Variants in PRUNE2 observed in about 807,000 individuals in gnomAD.
PRUNE2 encodes prune homolog 2 with BCH domain.
A neutral mutation model predicts 252.0 loss-of-function variants in PRUNE2; 164 were observed. That is an observed-to-expected ratio of 0.65 (90% CI 0.57 to 0.74). The LOEUF (loss-of-function observed/expected upper bound fraction) is 0.74. Among genes scored for constraint, PRUNE2 ranks in the 30% least tolerant of loss-of-function variants. The pLI is 0.00. For missense variants in PRUNE2, 3,495 were observed against 3,711.0 expected (o/e 0.94, Z 1.51); for synonymous variants, 1,292 against 1,350.2 (o/e 0.96, Z 0.94).
chr9:76,891,843 AC>A (rs1286645632), intron 1 of PRUNE2, among the ~76,000 whole-genome samples: 1 of 152,060 alleles, frequency 6.6e-6, no homozygotes, highest in African/African-American at 2.4e-5. Flanking sequence ...GCTGGACTTA[AC>A]CTCTCTGGCC....
At chr9:76,861,607 TC>T (rs1265453260) in intron 1 of PRUNE2, among the ~76,000 whole-genome samples, 1 of 152,124 alleles carries the variant, frequency 6.6e-6, no homozygotes, top group Non-Finnish European at 1.5e-5. Context: ...CATCAACTAA[TC>T]CACTTTTTTA....
intron 2 of PRUNE2, 111 bp from the exon 3 acceptor site, chr9:76,850,776 T>G: frequency 1.3e-6 from 1 of 750,886 alleles, no homozygotes; most frequent in Non-Finnish European, 2.2e-6. Context: ...TCTTCTGGCC[T>G]CACTAAACCA....
chr9:76,801,194 G>T (rs2056525045), intron 6 of PRUNE2, among the ~76,000 whole-genome samples: 1 of 152,200 alleles, frequency 6.6e-6, no homozygotes, highest in Non-Finnish European at 1.5e-5. Context: ...ACACATGACA[G>T]TATTGCATTA....
At chr9:76,658,908 A>T (rs749697412) in intron 9 of PRUNE2, among the ~76,000 whole-genome samples, 1 of 152,214 alleles carries the variant, frequency 6.6e-6, no homozygotes, top group Non-Finnish European at 1.5e-5. Context: ...TTTTGAGTGC[A>T]TGGTAGTATT....
chr9:76,655,050 C>T (rs1848695384), intron 10 of PRUNE2, among the ~76,000 whole-genome samples: 1 of 152,132 alleles, frequency 6.6e-6, no homozygotes, highest in Non-Finnish European at 1.5e-5. Context: ...AGTTAGGATA[C>T]TGAGCATTCT....
intron 15 of PRUNE2, among the ~76,000 whole-genome samples, 152 bp downstream of exon 15, chr9:76,636,316 TTGA>T (rs749881355): frequency 6.6e-6 from 1 of 152,190 alleles, no homozygotes; most frequent in Non-Finnish European, 1.5e-5. Context: ...TTCGGGATTC[TTGA>T]TGAATAGTCC....
intron 6 of PRUNE2, among the ~76,000 whole-genome samples, chr9:76,722,064 C>T (rs181547538): frequency 0.011 from 1,643 of 151,798 alleles, 26 homozygotes; most frequent in African/African-American, 0.036. Context: ...CTCTATTGTT[C>T]TTTTTTATTT....
At chr9:76,838,633 G>A (rs762495687) in intron 4 of PRUNE2, among the ~76,000 whole-genome samples, 101 of 102,802 alleles carry the variant, frequency 9.8e-4, no homozygotes, top group African/African-American at 1.4e-3. Context: ...CAACAAGAGC[G>A]AAACTCTGTC....
At chr9:76,875,770 G>A (rs1391559723) in intron 1 of PRUNE2, among the ~76,000 whole-genome samples, 6 of 152,216 alleles carry the variant, frequency 3.9e-5, no homozygotes, top group East Asian at 1.9e-4. Flanking sequence ...TAGGGAATGT[G>A]GGCACAGAGG....
At chr9:76,633,915 C>T (rs1838829916) in intron 15 of PRUNE2, among the ~76,000 whole-genome samples, 1 of 152,094 alleles carries the variant, frequency 6.6e-6, no homozygotes, top group Non-Finnish European at 1.5e-5. Flanking sequence ...GAGTTTGAGA[C>T]CAGCTTGGAC....
Position 76,692,504 on chromosome 9 carries a change from T to C in PRUNE2, c.8276+10833A>G, listed in dbSNP as rs2044878095. ...TGTAGTTTCACAGCACATACCTATA[T>C]GACAGCAATGTAATTATTTTCATTG... On this transcript the variant is annotated intron_variant, in intron 9 of 18. Coordinates refer to ENST00000376718, the MANE Select transcript of PRUNE2 (RefSeq NM_015225.3). 5 of 197,308 alleles carry C rather than the reference T, an allele frequency of 2.5e-5. No individual in the cohort carries two copies. In the South Asian group the frequency reaches 5.6e-4, roughly 22 times the overall value. The allele number at this position is 197,308 out of a possible 1,614,324, so 12.2% of individuals were successfully genotyped here.
intron 6 of PRUNE2, chr9:76,736,626 C>T (rs1416490147): frequency 6.6e-6 from 1 of 152,198 alleles, no homozygotes; most frequent in Non-Finnish European, 1.5e-5. Context: ...GTGAGGTTCT[C>T]TCTGAGGTCT....
At chr9:76,867,418 G>C (rs543638757) in intron 1 of PRUNE2, among the ~76,000 whole-genome samples, 1 of 152,138 alleles carries the variant, frequency 6.6e-6, no homozygotes, top group Non-Finnish European at 1.5e-5. Flanking sequence ...ACTGAACAAG[G>C]AAATTGTTCT....
At chr9:76,725,913 T>G (rs889578229) in intron 6 of PRUNE2, among the ~76,000 whole-genome samples, 23 of 152,342 alleles carry the variant, frequency 1.5e-4, no homozygotes, top group African/African-American at 5.3e-4. Context: ...TAACTGTAAC[T>G]GATTTAAGTA....
At chr9:76,673,185 A>G (rs1305454788) in intron 9 of PRUNE2, among the ~76,000 whole-genome samples, 1 of 152,060 alleles carries the variant, frequency 6.6e-6, no homozygotes, top group Non-Finnish European at 1.5e-5. Context: ...AAAGAGAGAA[A>G]AATCAAATAG....
intron 9 of PRUNE2, among the ~76,000 whole-genome samples, chr9:76,660,781 CAAA>C (rs11432174): frequency 5.0e-4 from 51 of 101,032 alleles, no homozygotes; most frequent in African/African-American, 8.0e-4. Flanking sequence ...GACTCTGAAT[CAAA>C]AAAAAAAAAA....
At chr9:76,665,040 T>C (rs564889439) in intron 9 of PRUNE2, among the ~76,000 whole-genome samples, 6 of 152,082 alleles carry the variant, frequency 3.9e-5, no homozygotes, top group Admixed American at 6.6e-5. Flanking sequence ...ATTTTTTTCA[T>C]GCAGAAACAT....
At chr9:76,780,155 C>T (rs1201229327) in intron 6 of PRUNE2, among the ~76,000 whole-genome samples, 1 of 152,054 alleles carries the variant, frequency 6.6e-6, no homozygotes, top group Admixed American at 6.5e-5. Flanking sequence ...TATGTAAGAT[C>T]CAAGAAGTAC....
At chr9:76,779,609 G>A (rs917749623) in intron 6 of PRUNE2, 7 of 152,090 alleles carry the variant, frequency 4.6e-5, no homozygotes, top group African/African-American at 1.7e-4. Context: ...CAACTAAATA[G>A]GTAAAGAAAC....
Sources: gnomAD v4.1 joint callset for allele counts (sites outside exome capture counted in the v4.1 genomes callset) on GRCh38, gnomAD v4.1.1 for gene constraint, MANE v1.5 for transcripts, NCBI Gene and HGNC (gene_info 2026-07-23, HGNC 2026-07-21) for gene names.